Variants in DPP10 observed in about 807,000 individuals in gnomAD.
DPP10 encodes the protein inactive dipeptidyl peptidase 10.
Under a neutral mutation model 120.9 loss-of-function variants are expected in DPP10, and 33 were observed. The ratio of observed to expected loss-of-function variants is 0.27; its 90% CI spans 0.21 to 0.37. The LOEUF (loss-of-function observed/expected upper bound fraction) is 0.37. Among genes scored for constraint, DPP10 ranks in the 10% least tolerant of loss-of-function variants. The pLI is 1.00. For synonymous variants in DPP10, 337 were observed against 326.1 expected (o/e 1.03, Z -0.36); for missense variants, 816 against 942.8 (o/e 0.87, Z 1.76).
chr2:115,587,074 CT>C (rs1201491061), intron 5 of DPP10, among the ~76,000 whole-genome samples: 1 of 133,460 alleles, frequency 7.5e-6, no homozygotes, highest in Non-Finnish European at 1.6e-5. Context: ...TTTTTCTTTT[CT>C]TTTTTTTCTC....
At chr2:115,256,919 C>T (rs1331052830) in intron 1 of DPP10, among the ~76,000 whole-genome samples, 1 of 152,186 alleles carries the variant, frequency 6.6e-6, no homozygotes, top group Non-Finnish European at 1.5e-5. Context: ...TTTCTTCCCA[C>T]AGATACTCTA....
intron 1 of DPP10, among the ~76,000 whole-genome samples, chr2:114,971,711 A>G (rs1699407050): frequency 7.1e-6 from 1 of 140,960 alleles, no homozygotes; most frequent in South Asian, 2.2e-4. Flanking sequence ...AAGGGATATT[A>G]AACCAAAATA....
chr2:115,157,260 A>G lies in DPP10; in HGVS notation c.61-151979A>G, dbSNP rs183401606. ...TAAATATAGCAAAAAAAAAAAAAAAAAGAGAGATTTGACAACACTGGACCT... is the reference window on the plus strand; with the variant it reads ...TAAATATAGCAAAAAAAAAAAAAAAGAGAGAGATTTGACAACACTGGACCT... On this transcript the variant is annotated intron_variant, in intron 1 of 25. Transcript: ENST00000410059. Among the ~76,000 whole-genome samples the G allele has an allele frequency of 3.3e-3, 504 of 151,784 alleles. 2 individuals are homozygous for G. Among genetic ancestry groups the G allele is most frequent in the Middle Eastern group, 3.4e-3 (1 of 294 alleles).
intron 5 of DPP10, among the ~76,000 whole-genome samples, chr2:115,555,735 C>CT (rs1364539589): frequency 6.6e-6 from 1 of 151,962 alleles, no homozygotes; most frequent in African/African-American, 2.4e-5. Context: ...GATTATGTTC[C>CT]TTTTTTCTAT....
chr2:115,449,357 A>T (rs1329663890), intron 3 of DPP10, among the ~76,000 whole-genome samples: 1 of 152,122 alleles, frequency 6.6e-6, no homozygotes, highest in African/African-American at 2.4e-5. Flanking sequence ...TCAGAGAAAC[A>T]TATGCTAAGG....
chr2:114,502,738 C>T (rs1370731677), intron 1 of DPP10, among the ~76,000 whole-genome samples: 1 of 152,148 alleles, frequency 6.6e-6, no homozygotes, highest in Non-Finnish European at 1.5e-5. Context: ...AACCTACTCA[C>T]TAGGTTAGTA....
At chr2:114,577,329 G>T (rs992822373) in intron 1 of DPP10, among the ~76,000 whole-genome samples, 1 of 152,176 alleles carries the variant, frequency 6.6e-6, no homozygotes, top group Admixed American at 6.5e-5. Context: ...GCTTTTGTTT[G>T]TTTGTTTGTT....
chr2:114,840,785 C>T (rs1428684692), intron 1 of DPP10, among the ~76,000 whole-genome samples: 1 of 152,134 alleles, frequency 6.6e-6, no homozygotes, highest in African/African-American at 2.4e-5. Flanking sequence ...TACGTATTGT[C>T]ACTCTATTAA....
intron 1 of DPP10, among the ~76,000 whole-genome samples, chr2:114,499,965 A>G (rs750086144): frequency 1.3e-5 from 2 of 152,214 alleles, no homozygotes; most frequent in Non-Finnish European, 2.9e-5. Flanking sequence ...ACTTTCACTC[A>G]GAACTTAGGA....
At position 115,079,248 on chromosome 2, in the gene DPP10, C is replaced by T. The variant is rs150006713; in HGVS notation, c.61-229991C>T. The stretch of plus-strand genomic sequence containing the variant: ...ACAAAACATTAGCCGGACGTGGTGG[C>T]GGGCACCTGTAATCCAAGCTACTCA... On this transcript the variant is annotated intron_variant, in intron 1 of 25. Transcript: ENST00000410059. 2.3e-3 allele frequency among the ~76,000 whole-genome samples: 343 copies of T among 152,140 alleles called. 1 individual carries two copies. Among genetic ancestry groups the T allele is most frequent in the African/African-American group, 7.6e-3 (316 of 41,506 alleles).
intron 3 of DPP10, among the ~76,000 whole-genome samples, chr2:115,448,870 T>C (rs1480111575): frequency 6.6e-6 from 1 of 152,150 alleles, no homozygotes; most frequent in Admixed American, 6.6e-5. Context: ...GCACATATCA[T>C]TTGAGGTTTT....
chr2:114,790,561 C>T (rs985910586), intron 1 of DPP10, among the ~76,000 whole-genome samples: 2 of 151,784 alleles, frequency 1.3e-5, no homozygotes, highest in African/African-American at 4.8e-5. Context: ...GGGCTGAGTC[C>T]GAAAAGAGAG....
chr2:114,602,839 T>C (rs1692480773), intron 1 of DPP10, among the ~76,000 whole-genome samples: 4 of 152,116 alleles, frequency 2.6e-5, no homozygotes, highest in Admixed American at 2.6e-4. Context: ...TATTGTTGTT[T>C]GCTTTTACGT....
chr2:115,554,331 T>A (rs1238734418), intron 5 of DPP10, among the ~76,000 whole-genome samples: 1 of 151,796 alleles, frequency 6.6e-6, no homozygotes, highest in Non-Finnish European at 1.5e-5. Flanking sequence ...TATTTTTAGT[T>A]CCATTGTCAC....
At chr2:115,447,837 T>C (rs1017171139) in intron 3 of DPP10, among the ~76,000 whole-genome samples, 2 of 152,324 alleles carry the variant, frequency 1.3e-5, no homozygotes, top group African/African-American at 2.4e-5. Flanking sequence ...AATGGGCTAT[T>C]ATAGTCAGTG....
chr2:115,324,962 G>A (rs1016758011), intron 2 of DPP10, among the ~76,000 whole-genome samples: 1 of 152,046 alleles, frequency 6.6e-6, no homozygotes, highest in African/African-American at 2.4e-5. Flanking sequence ...TTGATGTCAC[G>A]GTTAGAACAC....
intron 1 of DPP10, among the ~76,000 whole-genome samples, chr2:115,263,236 A>G (rs2059327570): frequency 1.3e-5 from 2 of 152,220 alleles, no homozygotes; most frequent in African/African-American, 4.8e-5. Context: ...ACAATACTTC[A>G]AAAATTGGGA....
At chr2:115,636,947 C>T (rs535529744) in intron 5 of DPP10, among the ~76,000 whole-genome samples, 3 of 152,202 alleles carry the variant, frequency 2.0e-5, no homozygotes, top group African/African-American at 7.2e-5. Context: ...ACAGGCCTCT[C>T]AGCAACAGCC....
chr2:115,188,413 A>G (rs1452230750), intron 1 of DPP10, among the ~76,000 whole-genome samples: 2 of 152,230 alleles, frequency 1.3e-5, no homozygotes, highest in Non-Finnish European at 2.9e-5. Context: ...TAATATCTAG[A>G]ACTACATTAT....
Sources: allele counts gnomAD v4.1 joint callset (sites outside exome capture counted in the v4.1 genomes callset), GRCh38; gene constraint gnomAD v4.1.1; transcripts MANE v1.5; gene names NCBI Gene and HGNC (gene_info 2026-07-23, HGNC 2026-07-21).